Variants in CSGALNACT1 observed in about 807,000 individuals in gnomAD.
CSGALNACT1 encodes the protein beta4GalNAcT-1.
In CSGALNACT1, 52 loss-of-function variants were observed where a neutral mutation model predicts 51.0. The observed-to-expected ratio is 1.02, with a 90% confidence interval of 0.82 to 1.29. The LOEUF is 1.29. CSGALNACT1 is among the 50% of genes most tolerant of loss of function. The pLI, the probability that CSGALNACT1 is intolerant of heterozygous loss-of-function variation, is 0.00. For synonymous variants in CSGALNACT1, 341 were observed against 254.4 expected (o/e 1.34, Z -3.24); for missense variants, 935 against 679.2 (o/e 1.38, Z -4.19).
chr8:19,547,077 G>A (rs763215276), intron 3 of CSGALNACT1, among the ~76,000 whole-genome samples: 6 of 152,130 alleles, frequency 3.9e-5, no homozygotes, highest in African/African-American at 7.2e-5. Flanking sequence ...CTATACCCAA[G>A]AATATAACAA....
In CSGALNACT1 at chr8:19,405,918, G is replaced by A. The variant is rs553914582; in HGVS notation, c.1461C>T (p.Pro487=). The change falls in exon 10 of 10, where the codon CCC becomes CCT. Residue 487 remains proline (P), a synonymous_variant. Transcript: ENST00000454498. ...ACTGCATGCACATCTTGTACTGCTC[G>A]GGGGTCAGCTCGTCCATGCAGCGCT... The A allele has an allele frequency of 6.9e-5, 112 of 1,614,110 alleles. 1 individual carries two copies. The highest frequency in any genetic ancestry group is 5.4e-4 in the South Asian group (49 of 91,072).
chr8:19,667,258 CAAAAAAAA>C (rs928798627), intron 1 of CSGALNACT1, among the ~76,000 whole-genome samples: 4 of 101,564 alleles, frequency 3.9e-5, no homozygotes, highest in African/African-American at 1.0e-4. Context: ...CCATCTCTAC[CAAAAAAAA>C]AAAAAAAAAA....
chr8:19,634,766 A>G (rs2055791604), intron 1 of CSGALNACT1, among the ~76,000 whole-genome samples: 1 of 152,224 alleles, frequency 6.6e-6, no homozygotes, highest in African/African-American at 2.4e-5. Context: ...GAGAGCCCTT[A>G]CCAGGAAGCA....
exon 1 of CSGALNACT1, chr8:19,602,457 T>G (rs1368884902): frequency 6.6e-6 from 1 of 152,472 alleles, no homozygotes; most frequent in African/African-American, 2.4e-5. Flanking sequence ...CACCGCAGGG[T>G]TCGCCGCACA....
chr8:19,435,376 C>T (rs1749470652), intron 6 of CSGALNACT1, among the ~76,000 whole-genome samples: 1 of 151,878 alleles, frequency 6.6e-6, no homozygotes, highest in Non-Finnish European at 1.5e-5. Flanking sequence ...GCCTATAGTC[C>T]TAGCTACCTG....
chr8:19,501,863 G>C (rs771954146), intron 4 of CSGALNACT1, among the ~76,000 whole-genome samples: 48 of 152,156 alleles, frequency 3.2e-4, no homozygotes, highest in Non-Finnish European at 4.7e-4. Context: ...TGAAGCACAG[G>C]ATTTGATTCC....
chr8:19,458,533 G>C (rs765463132), exon 5 of CSGALNACT1: 2 of 1,614,148 alleles, frequency 1.2e-6, no homozygotes, highest in South Asian at 2.2e-5. Context: ...TCACTTTCAT[G>C]ATGGGGCCGA....
Position 19,541,311 on chromosome 8 carries a change from C to G in CSGALNACT1, c.-296-35181G>C, listed in dbSNP as rs566178759. Among the ~76,000 whole-genome samples, 5 of 142,234 alleles carry G rather than the reference C, an allele frequency of 3.5e-5. No individual in the cohort carries two copies. In the East Asian group the frequency reaches 6.1e-4, roughly 17 times the overall value. The allele number at this position is 142,234 out of a possible 152,430, so 93.3% of individuals were successfully genotyped here. A position where few individuals can be genotyped will look rare whatever the true frequency, so the allele number is the denominator to read the frequency against. On this transcript the variant is annotated intron_variant, in intron 3 of 9. Transcript: ENST00000454498. ...AGTCACCTAGGCTGGAGTGCACTGG[C>G]GTGATCTCGGCTCACTGCAAGCTCT...
exon 4 of CSGALNACT1, chr8:19,505,207 T>C (rs541738775): frequency 1.2e-6 from 2 of 1,614,172 alleles, no homozygotes; most frequent in Non-Finnish European, 1.7e-6. Flanking sequence ...TAACCTTCTA[T>C]GAAATCAGAG....
chr8:19,728,234 C>A (rs548578546), intron 1 of CSGALNACT1, among the ~76,000 whole-genome samples: 2 of 152,160 alleles, frequency 1.3e-5, no homozygotes, highest in South Asian at 4.1e-4. Flanking sequence ...GTGACTCACA[C>A]AAAGGAAACA....
At chr8:19,702,688 G>A (rs1252776498) in intron 1 of CSGALNACT1, among the ~76,000 whole-genome samples, 1 of 152,038 alleles carries the variant, frequency 6.6e-6, no homozygotes, top group Non-Finnish European at 1.5e-5. Flanking sequence ...AGACTGCTCT[G>A]TTGGCCAGAC....
chr8:19,600,548 C>A (rs551525276), intron 2 of CSGALNACT1, among the ~76,000 whole-genome samples: 1 of 152,212 alleles, frequency 6.6e-6, no homozygotes, highest in Non-Finnish European at 1.5e-5. Context: ...CAGTTCCATA[C>A]GCCCTTCAAG....
chr8:19,676,083 T>A (rs73667403), intron 1 of CSGALNACT1, among the ~76,000 whole-genome samples: 14,878 of 59,138 alleles, frequency 0.25, 1,452 homozygotes, highest in African/African-American at 0.42. Flanking sequence ...GTTGTCTGAT[T>A]TAAAAAACAA....
At chr8:19,467,999 A>G (rs954773478) in intron 4 of CSGALNACT1, among the ~76,000 whole-genome samples, 2 of 152,240 alleles carry the variant, frequency 1.3e-5, no homozygotes, top group Non-Finnish European at 1.5e-5. Flanking sequence ...AAATAAAAAT[A>G]AAAAAGATGA....
chr8:19,565,003 T>C (rs1335292922), intron 3 of CSGALNACT1, among the ~76,000 whole-genome samples: 6 of 152,168 alleles, frequency 3.9e-5, no homozygotes, highest in Non-Finnish European at 8.8e-5. Context: ...GTGCTTTGCA[T>C]ATAAAAGGAC....
chr8:19,563,044 T>C (rs190280175), intron 3 of CSGALNACT1, among the ~76,000 whole-genome samples: 1 of 152,256 alleles, frequency 6.6e-6, no homozygotes, highest in Non-Finnish European at 1.5e-5. Context: ...CCATCAATGA[T>C]AGACTGGATA....
At chr8:19,657,262 A>G (rs967157358) in intron 1 of CSGALNACT1, among the ~76,000 whole-genome samples, 5 of 146,764 alleles carry the variant, frequency 3.4e-5, no homozygotes, top group African/African-American at 1.4e-4. Context: ...GATAAACTGA[A>G]AGATAAACTG....
At chr8:19,592,732 T>C (rs1433502945) in intron 2 of CSGALNACT1, among the ~76,000 whole-genome samples, 1 of 152,110 alleles carries the variant, frequency 6.6e-6, no homozygotes, top group Non-Finnish European at 1.5e-5. Context: ...ACTGCACCAC[T>C]GCACTCTGGC....
intron 1 of CSGALNACT1, among the ~76,000 whole-genome samples, chr8:19,719,188 C>T (rs2062979591): frequency 6.6e-6 from 1 of 152,160 alleles, no homozygotes; most frequent in African/African-American, 2.4e-5. Flanking sequence ...TTATCACTTC[C>T]CATCCTTGTT....
Sources: gnomAD v4.1 joint callset for allele counts (sites outside exome capture counted in the v4.1 genomes callset) on GRCh38, gnomAD v4.1.1 for gene constraint, MANE v1.5 for transcripts, NCBI Gene and HGNC (gene_info 2026-07-23, HGNC 2026-07-21) for gene names.